FANCA: variants seen among roughly 807,000 people sequenced by gnomAD.
The protein encoded by FANCA is FA complementation group A, also known as Fanconi anemia group A protein.
Under a neutral mutation model 194.3 loss-of-function variants are expected in FANCA, and 236 were observed. That is an observed-to-expected ratio of 1.21 (90% CI 1.09 to 1.35). The LOEUF (loss-of-function observed/expected upper bound fraction) is 1.35. Ranked by LOEUF, FANCA falls within the 40% of genes most tolerant of loss-of-function variation. The pLI is 0.00. For synonymous variants in FANCA, 1,014 were observed against 715.8 expected (o/e 1.42, Z -6.65); for missense variants, 2,628 against 1,813.9 (o/e 1.45, Z -8.15).
chr16:89,771,155 CAAAAAAAAAAA>C (rs34471552), intron 23 of FANCA, among the ~76,000 whole-genome samples: 1 of 56,644 alleles, frequency 1.8e-5, no homozygotes, highest in Admixed American at 2.1e-4. Context: ...AAGACTCAGT[CAAAAAAAAAAA>C]AAAAAAAAGA....
At chr16:89,805,197 T>C (rs1464845108) in intron 7 of FANCA, 83 bp downstream of exon 7, 2 of 1,065,728 alleles carry the variant, frequency 1.9e-6, no homozygotes, top group Non-Finnish European at 2.9e-6. Flanking sequence ...CTGTTCTGCC[T>C]CGCAGAGCTC....
At position 89,756,068 on chromosome 16, in the gene FANCA, G is replaced by C. The variant is rs529368187; in HGVS notation, c.2981+2509C>G. ...GTGTATCTAAACATAGAAAAGGTAC[G>C]GTAAAAACACAGTTTAAAAAAAAGG... is the stretch of plus-strand genomic sequence containing the variant. On this transcript the variant is annotated intron_variant, in intron 30 of 42. Transcript: ENST00000389301. Among the ~76,000 whole-genome samples the C allele has an allele frequency of 2.0e-5, 3 of 152,052 alleles. No individual in the cohort carries two copies. The South Asian group carries it at 6.2e-4, about 31-fold the overall frequency.
intron 15 of FANCA, 62 bp from the exon 16 acceptor site, chr16:89,783,164 GC>G: frequency 7.8e-7 from 1 of 1,275,446 alleles, no homozygotes; most frequent in Non-Finnish European, 1.1e-6. Flanking sequence ...CTCCAGGGAG[GC>G]CACAATTCAC....
At chr16:89,781,116 G>A (rs2039684558) in intron 17 of FANCA, among the ~76,000 whole-genome samples, 1 of 152,108 alleles carries the variant, frequency 6.6e-6, no homozygotes, top group South Asian at 2.1e-4. Flanking sequence ...TGTAATCCCA[G>A]CACTTTGAGA....
chr16:89,780,337 G>A (rs907220127), intron 17 of FANCA, among the ~76,000 whole-genome samples: 3 of 152,150 alleles, frequency 2.0e-5, no homozygotes, highest in Admixed American at 6.5e-5. Flanking sequence ...AAGAAATTAC[G>A]AGGGCTGGGT....
intron 33 of FANCA, 139 bp from the exon 34 acceptor site, chr16:89,747,029 G>A (rs1024255327): frequency 1.2e-6 from 1 of 827,040 alleles, no homozygotes; most frequent in South Asian, 1.4e-5. Flanking sequence ...GGTGCTCCTG[G>A]GCTGACCGGG....
At chr16:89,813,309 G>A (rs1036514788) in intron 3 of FANCA, among the ~76,000 whole-genome samples, 34 of 151,876 alleles carry the variant, frequency 2.2e-4, no homozygotes, top group Admixed American at 9.9e-4. Context: ...TCAAGATGCT[G>A]GGGTGGGAGG....
chr16:89,747,277 T>A (rs967029048), intron 33 of FANCA, among the ~76,000 whole-genome samples: 3 of 152,238 alleles, frequency 2.0e-5, no homozygotes, highest in Non-Finnish European at 4.4e-5. Flanking sequence ...CTATGGTGTT[T>A]TCCTGTCTGT....
At chr16:89,742,772 A>G in intron 37 of FANCA, 28 bp downstream of exon 37, 3 of 1,613,446 alleles carry the variant, frequency 1.9e-6, no homozygotes, top group East Asian at 2.2e-5. Context: ...GCGAGAAAAT[A>G]AATCAGTAAA....
At chr16:89,780,371 C>T (rs2039658658) in intron 17 of FANCA, among the ~76,000 whole-genome samples, 1 of 152,114 alleles carries the variant, frequency 6.6e-6, no homozygotes, top group African/African-American at 2.4e-5. Flanking sequence ...TCTATAAACG[C>T]AGTGCTTTGA....
chr16:89,771,076 A>G (rs778770785), intron 23 of FANCA, among the ~76,000 whole-genome samples: 2 of 151,502 alleles, frequency 1.3e-5, no homozygotes, highest in Non-Finnish European at 2.9e-5. Flanking sequence ...GAGGCAAGAG[A>G]ACTGCTTGAA....
At chr16:89,814,427 A>G in intron 3 of FANCA, 93 bp downstream of exon 3, 2 of 1,011,896 alleles carry the variant, frequency 2.0e-6, no homozygotes, top group South Asian at 2.8e-5. Flanking sequence ...ATCGCCTGAG[A>G]AAATTTACAT....
intron 10 of FANCA, among the ~76,000 whole-genome samples, chr16:89,797,350 G>T (rs1056357982): frequency 4.0e-5 from 6 of 151,580 alleles, no homozygotes; most frequent in Admixed American, 6.6e-5. Context: ...AAGAAAGAAA[G>T]AAAGAAAATC....
chr16:89,751,294 G>C (rs910339361), intron 31 of FANCA, among the ~76,000 whole-genome samples: 1 of 152,122 alleles, frequency 6.6e-6, no homozygotes, highest in East Asian at 1.9e-4. Flanking sequence ...GGGCCCAGGA[G>C]TTCGAGACAA....
At chr16:89,766,075 C>T (rs189699206) in intron 27 of FANCA, among the ~76,000 whole-genome samples, 1 of 151,832 alleles carries the variant, frequency 6.6e-6, no homozygotes, top group Admixed American at 6.6e-5. Context: ...CGGCTCACTG[C>T]AACCTTTGCC....
chr16:89,797,886 ACT>A (rs1294416148), intron 10 of FANCA, among the ~76,000 whole-genome samples: 4 of 151,098 alleles, frequency 2.6e-5, no homozygotes, highest in Middle Eastern at 3.2e-3. Flanking sequence ...CAAGAATAAA[ACT>A]CTGTCTCAAA....
chr16:89,814,748 C>G lies in FANCA; in HGVS notation c.190-135G>C. 4.5e-6 allele frequency: 3 copies of G among 673,792 alleles called. No homozygotes were observed. In the South Asian group the frequency reaches 4.5e-5, roughly 10 times the overall value. 41.7% of individuals were successfully genotyped at this position (673,792 alleles called of 1,614,324 possible). The stretch of plus-strand genomic sequence containing the variant: ...ACGAGGTCAAGAGTTCGAGACCAGC[C>G]TGGCCAACATAGTGAAACCCTGTCT... On this transcript the variant is annotated intron_variant, in intron 2 of 42. Transcript: ENST00000389301.
intron 28 of FANCA, among the ~76,000 whole-genome samples, chr16:89,763,783 CTT>C (rs1598099888): frequency 1.3e-5 from 2 of 151,442 alleles, no homozygotes; most frequent in Non-Finnish European, 2.9e-5. Flanking sequence ...AAATACAAAA[CTT>C]AGCCAGGCGT....
rs373872797 is a variant in FANCA, at chr16:89,789,266, C to T, written c.1359+2137G>A. Among the ~76,000 whole-genome samples the T allele has an allele frequency of 1.1e-4, 16 of 149,002 alleles. No homozygotes were observed. The East Asian group carries it at 1.9e-3, about 17-fold the overall frequency. ...CACCTTCTCCCAACACAAGCAGATG[C>T]GGCTCAGCCTCCTGTGCAGCCTCAG... On this transcript the variant is annotated intron_variant, in intron 14 of 42. Coordinates refer to ENST00000389301, the MANE Select transcript of FANCA (RefSeq NM_000135.4).
Sources: allele counts gnomAD v4.1 joint callset (sites outside exome capture counted in the v4.1 genomes callset), GRCh38; gene constraint gnomAD v4.1.1; transcripts MANE v1.5; gene names NCBI Gene and HGNC (gene_info 2026-07-23, HGNC 2026-07-21).